C5orf46: variants seen among roughly 807,000 people sequenced by gnomAD.
C5orf46 encodes the protein uncharacterized protein C5orf46.
A neutral mutation model predicts 8.9 loss-of-function variants in C5orf46; 9 were observed. The ratio of observed to expected loss-of-function variants is 1.01; its 90% confidence interval spans 0.61 to 1.76. The LOEUF (loss-of-function observed/expected upper bound fraction) is 1.76. Ranked by LOEUF, C5orf46 falls within the 40% of genes most tolerant of loss-of-function variation. C5orf46 has a pLI of 0.00. For missense variants in C5orf46, 98 were observed against 107.8 expected, an observed-to-expected ratio of 0.91 and a Z score of 0.40; for synonymous variants, 47 against 41.4, an observed-to-expected ratio of 1.14 and a Z score of -0.52.
chr5:147,900,256 A>C (rs903433753), intron 2 of C5orf46, among the ~76,000 whole-genome samples: 1 of 151,978 alleles, frequency 6.6e-6, no homozygotes, highest in Non-Finnish European at 1.5e-5. Flanking sequence ...TGTAACAATT[A>C]AAAAAAAGCA....
chr5:147,896,596 T>C (rs1757583244), intron 3 of C5orf46, among the ~76,000 whole-genome samples: 2 of 152,190 alleles, frequency 1.3e-5, no homozygotes, highest in Admixed American at 1.3e-4. Context: ...CCTTTCTCTC[T>C]GAATTAGGTT....
At chr5:147,903,062 T>C (rs1292393475) in intron 1 of C5orf46, among the ~76,000 whole-genome samples, 2 of 152,292 alleles carry the variant, frequency 1.3e-5, no homozygotes, top group East Asian at 3.9e-4. Context: ...GTGAGGTTGA[T>C]TATATTCAAG....
chr5:147,894,229 T>C (rs1404593537), intron 3 of C5orf46, among the ~76,000 whole-genome samples: 1 of 152,182 alleles, frequency 6.6e-6, no homozygotes, highest in Non-Finnish European at 1.5e-5. Context: ...AATTTGTTTT[T>C]AAGCAGGAAA....
chr5:147,890,108 A>C (rs1405086753), downstream of C5orf46, among the ~76,000 whole-genome samples: 1 of 152,154 alleles, frequency 6.6e-6, no homozygotes, highest in African/African-American at 2.4e-5. Flanking sequence ...AGGGAGCATG[A>C]ATGGTTCTTT....
chr5:147,894,960 G>A lies in C5orf46; in HGVS notation c.*10-2021C>T, dbSNP rs112692921. Reference sequence around the variant, plus strand: ...CACCTGTAGTCCCAGCTACTCGGGAGGCTGAGTCAGGAGAATCACTTGAAC... The same window carrying A: ...CACCTGTAGTCCCAGCTACTCGGGAAGCTGAGTCAGGAGAATCACTTGAAC... On this transcript the variant is annotated intron_variant, in intron 3 of 3. Transcript: ENST00000318315. 6.2e-3 allele frequency among the ~76,000 whole-genome samples: 936 copies of A among 152,010 alleles called. 10 individuals carry two copies. Among genetic ancestry groups the A allele is most frequent in the African/African-American group, 0.022 (896 of 41,466 alleles).
chr5:147,890,180 T>C (rs1372525976), downstream of C5orf46, among the ~76,000 whole-genome samples: 1 of 152,200 alleles, frequency 6.6e-6, no homozygotes, highest in African/African-American at 2.4e-5. Context: ...TGAGTATGTT[T>C]AGTTGGTTAT....
rs764706954 is a variant in C5orf46, at chr5:147,906,476, G to T, written c.26C>A (p.Thr9Lys). The T allele has an allele frequency of 6.2e-7, 1 of 1,611,796 alleles. No individual in the cohort carries two copies. The highest frequency in any genetic ancestry group is 1.1e-5 in the South Asian group (1 of 90,346). Residue 9 changes from threonine (T) to lysine (K), a missense_variant, in exon 1 of 4, where the codon ACA (threonine) becomes AAA (lysine). Coordinates refer to ENST00000318315, the MANE Select transcript of C5orf46 (RefSeq NM_206966.3). ...TAAGACAAGCAGTCCCAGGACAACTGTCAGGCGAAGTACTGAGACAGCCAT... is the reference window on the plus strand; with the variant it reads ...TAAGACAAGCAGTCCCAGGACAACTTTCAGGCGAAGTACTGAGACAGCCAT... MAVSVLRL[T>K]VVLGLLVLFL...
At chr5:147,901,317 A>G in intron 2 of C5orf46, 1 of 191,300 alleles carries the variant, frequency 5.2e-6, no homozygotes, top group East Asian at 1.3e-4. Context: ...CTGAGTTAGG[A>G]TCAGAACTTG....
At chr5:147,901,079 A>G (rs1757660743) in intron 2 of C5orf46, among the ~76,000 whole-genome samples, 1 of 152,162 alleles carries the variant, frequency 6.6e-6, no homozygotes, top group African/African-American at 2.4e-5. Flanking sequence ...AAGAGAGGTT[A>G]TCTACTGTCT....
intron 2 of C5orf46, chr5:147,886,775 GTTA>G (rs1757426848): frequency 6.6e-6 from 1 of 150,520 alleles, no homozygotes; most frequent in African/African-American, 2.4e-5. Context: ...TATATTTTTT[GTTA>G]TTATAAAAAG....
chr5:147,895,191 G>T (rs1757562464), intron 3 of C5orf46, among the ~76,000 whole-genome samples: 9 of 152,160 alleles, frequency 5.9e-5, no homozygotes, highest in Admixed American at 5.9e-4. Flanking sequence ...AGGAGGCTGA[G>T]GTGGGCATCC....
chr5:147,895,809 T>G (rs1271735895), intron 3 of C5orf46, among the ~76,000 whole-genome samples: 1 of 152,208 alleles, frequency 6.6e-6, no homozygotes, highest in Non-Finnish European at 1.5e-5. Context: ...TTAATTGGCC[T>G]TAGGGTAAGA....
intron 3 of C5orf46, among the ~76,000 whole-genome samples, chr5:147,896,570 A>G (rs1757582799): frequency 6.6e-6 from 1 of 152,178 alleles, no homozygotes; most frequent in Non-Finnish European, 1.5e-5. Context: ...ACTGCGTGAG[A>G]TAGAAAGTTT....
chr5:147,896,881 G>C (rs1472816958), intron 3 of C5orf46, 103 bp downstream of exon 3: 1 of 464,044 alleles, frequency 2.2e-6, no homozygotes, highest in African/African-American at 2.0e-5. Flanking sequence ...TCTGCTTGTA[G>C]GTAGACATGG....
intron 2 of C5orf46, among the ~76,000 whole-genome samples, chr5:147,898,959 G>C (rs540121558): frequency 1.1e-4 from 16 of 152,168 alleles, no homozygotes; most frequent in African/African-American, 3.6e-4. Flanking sequence ...ACACCACTTA[G>C]GCATCAGACA....
rs574352115 is a variant in C5orf46, at chr5:147,887,401, T to C, written n.205-6307A>G. 7.2e-5 allele frequency: 11 copies of C among 152,268 alleles called. No individual in the cohort carries two copies. The South Asian group carries it at 2.1e-3, about 29-fold the overall frequency. The allele number at this position is 152,268 out of a possible 1,614,324, so 9.4% of individuals were successfully genotyped here. A position where few individuals can be genotyped will look rare whatever the true frequency, so the allele number is the denominator to read the frequency against. On this transcript the variant is annotated intron_variant and non_coding_transcript_variant, in intron 2 of 2. Coordinates refer to the C5orf46 transcript ENST00000510432. ...ACTACCTCTGACTTCATTTCAAGCA[T>C]TGTTAAATGGTGCATTCTTTGTTCT...
chr5:147,901,421 G>T, intron 2 of C5orf46: 3 of 424,782 alleles, frequency 7.1e-6, no homozygotes, highest in Non-Finnish European at 1.2e-5. Flanking sequence ...GGAACCACTT[G>T]ATGGGAATGT....
At chr5:147,888,838 A>G (rs969887300), downstream of C5orf46, among the ~76,000 whole-genome samples, 6 of 152,168 alleles carry the variant, frequency 3.9e-5, no homozygotes, top group Non-Finnish European at 8.8e-5. Context: ...GTATATGCAT[A>G]TGTTTAAATT....
At chr5:147,904,238 G>A (rs976786490) in intron 1 of C5orf46, among the ~76,000 whole-genome samples, 63 of 151,394 alleles carry the variant, frequency 4.2e-4, no homozygotes, top group African/African-American at 1.4e-3. Context: ...TACTCCATCA[G>A]TGCTTTCAGC....
Sources: allele counts gnomAD v4.1 joint callset (sites outside exome capture counted in the v4.1 genomes callset), GRCh38; gene constraint gnomAD v4.1.1; transcripts MANE v1.5; gene names NCBI Gene and HGNC (gene_info 2026-07-23, HGNC 2026-07-21).